WWOX: variants seen among roughly 807,000 people sequenced by gnomAD.
WWOX encodes the protein WW domain containing oxidoreductase.
A neutral mutation model predicts 46.2 loss-of-function variants in WWOX; 69 were observed. The observed-to-expected ratio is 1.49, with a 90% CI of 1.23 to 1.82. The LOEUF (loss-of-function observed/expected upper bound fraction) is 1.82, where lower values mean the gene tolerates loss of function less well. Among genes scored for constraint, WWOX ranks in the 40% most tolerant of loss-of-function variants. The pLI, the probability that WWOX is intolerant of heterozygous loss-of-function variation, is 0.00. For missense variants in WWOX, 919 were observed against 542.6 expected, an observed-to-expected ratio of 1.69 and a Z score of -6.89; for synonymous variants, 359 against 202.6, an observed-to-expected ratio of 1.77 and a Z score of -6.56.
At chr16:78,464,681 G>A (rs2941934) in intron 8 of WWOX, among the ~76,000 whole-genome samples, 19,587 of 151,920 alleles carry the variant, frequency 0.13, 1,303 homozygotes, top group Non-Finnish European at 0.15. Context: ...CATTTCTTAC[G>A]TTGCCCCCAC....
chr16:78,545,085 C>T (rs552240891), intron 8 of WWOX, among the ~76,000 whole-genome samples: 1 of 152,308 alleles, frequency 6.6e-6, no homozygotes, highest in East Asian at 1.9e-4. Flanking sequence ...ATTAAGTTTT[C>T]ATTCTCATTT....
intron 8 of WWOX, among the ~76,000 whole-genome samples, chr16:78,858,513 T>G (rs2052623603): frequency 6.6e-6 from 1 of 152,162 alleles, no homozygotes; most frequent in South Asian, 2.1e-4. Flanking sequence ...TTTGTGTGTA[T>G]TTTCATAAAA....
chr16:78,785,020 G>C (rs1291316196), intron 8 of WWOX, among the ~76,000 whole-genome samples: 1 of 152,196 alleles, frequency 6.6e-6, no homozygotes, highest in Non-Finnish European at 1.5e-5. Flanking sequence ...GGTGGTACTT[G>C]TGGCAACAGC....
intron 8 of WWOX, among the ~76,000 whole-genome samples, chr16:78,830,384 A>T (rs2051785327): frequency 6.6e-6 from 1 of 152,072 alleles, no homozygotes; most frequent in African/African-American, 2.4e-5. Context: ...GTAGTGCCGT[A>T]TGGCTGGGGG....
intron 8 of WWOX, among the ~76,000 whole-genome samples, chr16:78,905,838 G>A (rs58399006): frequency 6.6e-6 from 1 of 152,176 alleles, no homozygotes; most frequent in Non-Finnish European, 1.5e-5. Context: ...TCAAATGCTA[G>A]TTGCATCAAA....
intron 4 of WWOX, among the ~76,000 whole-genome samples, chr16:78,118,681 T>C (rs2032938577): frequency 6.6e-6 from 1 of 152,208 alleles, no homozygotes; most frequent in Non-Finnish European, 1.5e-5. Context: ...ATTTACTCTT[T>C]GGCCTTTCCC....
intron 8 of WWOX, among the ~76,000 whole-genome samples, chr16:78,987,592 T>C (rs1429275275): frequency 6.6e-6 from 1 of 152,226 alleles, no homozygotes; most frequent in East Asian, 1.9e-4. Flanking sequence ...AAAAGACCTC[T>C]TCAAGGACTT....
chr16:78,997,996 C>T (rs2047022750), intron 8 of WWOX, among the ~76,000 whole-genome samples: 1 of 152,130 alleles, frequency 6.6e-6, no homozygotes, highest in Non-Finnish European at 1.5e-5. Flanking sequence ...CCTGCCTCAG[C>T]CTCCCGAGTA....
chr16:78,118,713 TGTTA>T (rs992306779), intron 4 of WWOX, among the ~76,000 whole-genome samples: 1 of 152,186 alleles, frequency 6.6e-6, no homozygotes, highest in African/African-American at 2.4e-5. Flanking sequence ...CCGACTGCTA[TGTTA>T]GATACTCCAG....
At chr16:78,222,344 G>GA (rs397802718) in intron 5 of WWOX, among the ~76,000 whole-genome samples, 86,854 of 135,304 alleles carry the variant, frequency 0.64, 27,587 homozygotes, top group East Asian at 0.74. Context: ...CGACTTAATA[G>GA]AAAAAAAAAA....
intron 8 of WWOX, among the ~76,000 whole-genome samples, chr16:78,692,549 A>T (rs2048013373): frequency 1.3e-5 from 2 of 152,196 alleles, no homozygotes; most frequent in Admixed American, 1.3e-4. Flanking sequence ...TCTTATGGGT[A>T]ACACCTGTAG....
intron 8 of WWOX, among the ~76,000 whole-genome samples, chr16:78,519,003 A>C (rs973924551): frequency 1.3e-5 from 2 of 152,198 alleles, no homozygotes; most frequent in African/African-American, 4.8e-5. Context: ...TTTCTCACCT[A>C]CTGGCAAGTG....
chr16:78,761,677 CACTT>C (rs1247747253), intron 8 of WWOX, among the ~76,000 whole-genome samples: 1 of 152,190 alleles, frequency 6.6e-6, no homozygotes, highest in Admixed American at 6.5e-5. Flanking sequence ...TGACAAGAAA[CACTT>C]AATACCTCCT....
rs527566630 is a variant in WWOX, at chr16:78,968,083, T to C, written c.1057-243525T>C. On this transcript the variant is annotated intron_variant, in intron 8 of 8. Transcript: ENST00000566780. ...ACAGTGTGTGGTCTGTATGGCACAG[T>C]GCATGGTCCGCATGGCACAGCGCGT... is the stretch of plus-strand genomic sequence containing the variant. 9.5e-3 allele frequency among the ~76,000 whole-genome samples: 1,406 copies of C among 148,526 alleles called. 18 individuals carry two copies. The highest frequency in any genetic ancestry group is 0.033 in the African/African-American group (1,285 of 38,392).
At chr16:78,523,397 G>A (rs1245315179) in intron 8 of WWOX, among the ~76,000 whole-genome samples, 1 of 152,206 alleles carries the variant, frequency 6.6e-6, no homozygotes, top group African/African-American at 2.4e-5. Flanking sequence ...TATAAGAGAG[G>A]AAGTAGTACA....
intron 8 of WWOX, among the ~76,000 whole-genome samples, chr16:78,674,718 A>G (rs2047550520): frequency 6.6e-6 from 1 of 152,252 alleles, no homozygotes; most frequent in African/African-American, 2.4e-5. Flanking sequence ...ATAAACAAGA[A>G]CAAATGGAGA....
rs373580505 is a variant in WWOX, at chr16:79,079,207, C to T, written c.1057-132401C>T. 7.2e-5 allele frequency among the ~76,000 whole-genome samples: 11 copies of T among 152,306 alleles called. No homozygotes were observed. The East Asian group carries it at 7.7e-4, about 11-fold the overall frequency. On this transcript the variant is annotated intron_variant, in intron 8 of 8. Coordinates refer to ENST00000566780, the MANE Select transcript of WWOX (RefSeq NM_016373.4). ...CTGTCACCACCACCTTTATTTTTAG[C>T]ATCCGCGGTCTTAGCAACAGTAGAA...
intron 8 of WWOX, among the ~76,000 whole-genome samples, chr16:78,887,423 T>C (rs756453291): frequency 1.3e-5 from 2 of 149,850 alleles, no homozygotes; most frequent in South Asian, 4.2e-4. Flanking sequence ...TTACACAAAT[T>C]ATGAAAGTAA....
Position 78,271,668 on chromosome 16 carries a change from T to C in WWOX, c.516+107379T>C, listed in dbSNP as rs548494839. 2.6e-5 allele frequency among the ~76,000 whole-genome samples: 4 copies of C among 152,304 alleles called. No individual in the cohort carries two copies. The South Asian group carries it at 8.3e-4, about 32-fold the overall frequency. ...TGGGAGGTTTTCTCTCATCCTTGAG[T>C]TTATCTTTACTTCCTGGTCATTATG... On this transcript the variant is annotated intron_variant, in intron 5 of 8. Transcript: ENST00000566780.
Sources: gnomAD v4.1 joint callset for allele counts (sites outside exome capture counted in the v4.1 genomes callset) on GRCh38, gnomAD v4.1.1 for gene constraint, MANE v1.5 for transcripts, NCBI Gene and HGNC (gene_info 2026-07-23, HGNC 2026-07-21) for gene names.